The following HK1 variants were observed in gnomAD, a reference collection of about 807,000 sequenced individuals.
The protein encoded by HK1 is hexokinase 1.
HK1 carries 28 observed loss-of-function variants against 91.6 expected under a neutral mutation model. The observed-to-expected ratio is 0.31, with a 90% CI of 0.23 to 0.42. HK1 has a LOEUF of 0.42. Ranked by LOEUF, HK1 falls within the 10% of genes least tolerant of loss-of-function variation. The probability of loss-of-function intolerance (pLI) is 1.00; values close to 1 mark genes in which losing one functional copy is unlikely to be tolerated. For synonymous variants in HK1, 430 were observed against 468.1 expected (o/e 0.92, Z 1.05); for missense variants, 770 against 1,219.8 (o/e 0.63, Z 5.49).
intron 14 of HK1, among the ~76,000 whole-genome samples, chr10:69,390,171 T>A (rs1378029220): frequency 6.6e-6 from 1 of 152,220 alleles, no homozygotes; most frequent in African/African-American, 2.4e-5. Flanking sequence ...GTTGAAATTT[T>A]AAAAAACCTA....
upstream of HK1, among the ~76,000 whole-genome samples, chr10:69,313,413 G>T (rs1240949609): frequency 6.6e-6 from 1 of 152,080 alleles, no homozygotes; most frequent in Non-Finnish European, 1.5e-5. Flanking sequence ...GGTCCTGTGT[G>T]GTGTCACCTT....
chr10:69,297,685 G>A (rs1052630367), intron 4 of HK1, among the ~76,000 whole-genome samples: 2 of 147,394 alleles, frequency 1.4e-5, no homozygotes, highest in Admixed American at 6.7e-5. Context: ...ACCTGAGGTC[G>A]GGTGTTTAAG....
At chr10:69,359,822 C>T in intron 2 of HK1, 75 bp from the exon 3 acceptor site, 1 of 1,418,916 alleles carries the variant, frequency 7.0e-7, no homozygotes. Context: ...CTACGCCCTG[C>T]CAGGAAGCGG....
chr10:69,373,698 C>T (rs1850137837), intron 7 of HK1, among the ~76,000 whole-genome samples: 2 of 151,874 alleles, frequency 1.3e-5, no homozygotes, highest in Admixed American at 1.3e-4. Context: ...TTAGGTGATC[C>T]TCCTGCCTCA....
chr10:69,282,102 T>C (rs1844782470), intron 1 of HK1, among the ~76,000 whole-genome samples: 1 of 152,204 alleles, frequency 6.6e-6, no homozygotes, highest in Non-Finnish European at 1.5e-5. Context: ...TGCATTTCCA[T>C]GAGTGCCTGA....
At chr10:69,338,356 G>A in intron 1 of HK1, 2 of 1,191,390 alleles carry the variant, frequency 1.7e-6, no homozygotes, top group South Asian at 1.5e-5. Flanking sequence ...TGGTGTCTGG[G>A]ACTGGGCGCC....
intron 1 of HK1, among the ~76,000 whole-genome samples, chr10:69,330,341 G>T (rs1847645075): frequency 6.6e-6 from 1 of 151,774 alleles, no homozygotes; most frequent in African/African-American, 2.4e-5. Flanking sequence ...ACTTTAGTTG[G>T]ATCTTTCCAT....
At chr10:69,312,751 A>G (rs1846434754), upstream of HK1, among the ~76,000 whole-genome samples, 1 of 152,142 alleles carries the variant, frequency 6.6e-6, no homozygotes, top group African/African-American at 2.4e-5. Context: ...TTTCTGCAAT[A>G]GAGAATCAGA....
chr10:69,382,978 G>A (rs1401877515), intron 10 of HK1, among the ~76,000 whole-genome samples, 187 bp downstream of exon 10: 2 of 152,142 alleles, frequency 1.3e-5, no homozygotes, highest in Non-Finnish European at 2.9e-5. Context: ...GTGACTCAGG[G>A]CAGTTTAATT....
Position 69,355,553 on chromosome 10 carries a change from G to C in HK1, c.227-4344G>C, listed in dbSNP as rs1849085566. 2.0e-5 allele frequency among the ~76,000 whole-genome samples: 3 copies of C among 152,162 alleles called. No homozygotes were observed. In the South Asian group the frequency reaches 6.2e-4, roughly 32 times the overall value. ...GCCTGTAATCCTAGCACTTTGGGAG[G>C]CCGAGGCTGGTGGATCACCTGAGGT... On this transcript the variant is annotated intron_variant, in intron 2 of 17. Coordinates refer to ENST00000359426, the MANE Select transcript of HK1 (RefSeq NM_000188.3).
intron 1 of HK1, chr10:69,338,755 G>T (rs1848143248): frequency 8.3e-7 from 1 of 1,203,202 alleles, no homozygotes; most frequent in Admixed American, 2.4e-5. Flanking sequence ...GTGTGTGTGT[G>T]TGAGAGATTG....
chr10:69,311,200 T>C (rs1009856998), upstream of HK1, among the ~76,000 whole-genome samples: 1 of 152,196 alleles, frequency 6.6e-6, no homozygotes, highest in Non-Finnish European at 1.5e-5. Context: ...TCTGTTGATG[T>C]TAATGCTGGT....
At chr10:69,322,674 T>A (rs1049417103) in intron 1 of HK1, among the ~76,000 whole-genome samples, 13 of 149,532 alleles carry the variant, frequency 8.7e-5, no homozygotes, top group African/African-American at 3.2e-4. Flanking sequence ...GTGGATCACC[T>A]GAGGTCGGGA....
At chr10:69,283,607 C>T (rs1325622214) in intron 2 of HK1, among the ~76,000 whole-genome samples, 3 of 150,726 alleles carry the variant, frequency 2.0e-5, no homozygotes, top group African/African-American at 4.8e-5. Flanking sequence ...ATGGTGAAAC[C>T]CCATCTCTAC....
chr10:69,333,956 C>T (rs1441169374), intron 1 of HK1, among the ~76,000 whole-genome samples: 1 of 152,014 alleles, frequency 6.6e-6, no homozygotes, highest in Admixed American at 6.6e-5. Flanking sequence ...ACTAAAAATA[C>T]AAAAATTAGC....
intron 15 of HK1, among the ~76,000 whole-genome samples, chr10:69,392,946 A>G (rs146234972): frequency 1.5e-3 from 223 of 152,324 alleles, no homozygotes; most frequent in African/African-American, 5.1e-3. Context: ...GCTGTTATTT[A>G]CTTAGTGCTT....
intron 7 of HK1, among the ~76,000 whole-genome samples, chr10:69,376,045 A>G (rs1260117163): frequency 6.6e-6 from 1 of 152,112 alleles, no homozygotes; most frequent in Middle Eastern, 3.2e-3. Context: ...CAAATTCTTG[A>G]TCCTTTTGGC....
At chr10:69,376,699 TCTC>T (rs1229684814) in intron 7 of HK1, among the ~76,000 whole-genome samples, 1 of 152,130 alleles carries the variant, frequency 6.6e-6, no homozygotes, top group Admixed American at 6.5e-5. Flanking sequence ...CCCATGGTGT[TCTC>T]CTAGTCACAG....
chr10:69,384,807 C>T lies in HK1; in HGVS notation c.1731C>T (p.His577=). ...CTTTTCCCCTGCAGCTGTTTGATCACATTGTCTCCTGCATCTCTGACTTCT... is the reference window on the plus strand; with the variant it reads ...CTTTTCCCCTGCAGCTGTTTGATCATATTGTCTCCTGCATCTCTGACTTCT... The part of the protein sequence containing the change: ...MQGTGEELFD[H]IVSCISDFLD... Residue 577 remains histidine, a synonymous_variant, in exon 12 of 18, where the codon CAC becomes CAT. Coordinates refer to ENST00000359426, the MANE Select transcript of HK1 (RefSeq NM_000188.3). 2 of 1,614,234 alleles carry T rather than the reference C, an allele frequency of 1.2e-6. No homozygotes were observed. Among genetic ancestry groups the T allele is most frequent in the Non-Finnish European group, 1.7e-6 (2 of 1,180,040 alleles).
Sources: gnomAD v4.1 joint callset for allele counts (sites outside exome capture counted in the v4.1 genomes callset) on GRCh38, gnomAD v4.1.1 for gene constraint, MANE v1.5 for transcripts, NCBI Gene and HGNC (gene_info 2026-07-23, HGNC 2026-07-21) for gene names.